Variants in PLAC1 observed in about 807,000 individuals in gnomAD.
The protein encoded by PLAC1 is placenta-specific protein 1.
For missense variants in PLAC1, 136 were observed against 163.2 expected, an observed-to-expected ratio of 0.83 and a Z score of 0.91; for synonymous variants, 68 against 62.1, an observed-to-expected ratio of 1.09 and a Z score of -0.44.
rs1319714829 is a variant in PLAC1 at position 134,566,735 on chromosome X, G to A, written c.-53C>T. On this transcript the variant is annotated 5_prime_UTR_variant, in exon 3 of 3. Coordinates refer to ENST00000359237, the MANE Select transcript of PLAC1 (RefSeq NM_021796.4). ...CAGGAAACAGGAAGCCGTCCAGTGA[G>A]GATTTCTAGAGCACAAAAAAACACA... 3.6e-5 allele frequency: 35 copies of A among 983,920 alleles called. No homozygotes were observed. The highest frequency in any genetic ancestry group is 4.4e-5 in the Non-Finnish European group (32 of 725,210). The allele number at this position is 983,920 out of a possible 1,213,427, so 81.1% of individuals were successfully genotyped here.
At chrX:134,733,324 A>AG (rs1317867782) in intron 2 of PLAC1, 1 of 110,003 alleles carries the variant, frequency 9.1e-6, no homozygotes, top group Non-Finnish European at 1.9e-5. Context: ...AAAGTAACCC[A>AG]GGGTTGGCCT....
upstream of PLAC1, among the ~76,000 whole-genome samples, chrX:134,660,954 A>G (rs2078414360): frequency 9.5e-6 from 1 of 105,813 alleles, no homozygotes; most frequent in Admixed American, 1.0e-4. Context: ...TAAAAAAATT[A>G]TCATCCCCTT....
chrX:134,598,898 A>G (rs1031035843), intron 2 of PLAC1, among the ~76,000 whole-genome samples: 2 of 111,783 alleles, frequency 1.8e-5, no homozygotes, highest in Non-Finnish European at 3.8e-5. Flanking sequence ...ACAAGTACAC[A>G]GTAAGTATTT....
At chrX:134,681,992 T>C (rs1028253017) in intron 2 of PLAC1, among the ~76,000 whole-genome samples, 4 of 112,000 alleles carry the variant, frequency 3.6e-5, no homozygotes, top group Non-Finnish European at 3.8e-5. Flanking sequence ...TATGTAATTT[T>C]GCTCCATTGT....
At chrX:134,673,841 C>T (rs1038023532) in intron 2 of PLAC1, among the ~76,000 whole-genome samples, 1 of 112,693 alleles carries the variant, frequency 8.9e-6, no homozygotes, top group African/African-American at 3.2e-5. Flanking sequence ...GTACTGCCAG[C>T]CATTTTTCAA....
At chrX:134,678,762 G>T (rs1461965142) in intron 2 of PLAC1, among the ~76,000 whole-genome samples, 1 of 112,015 alleles carries the variant, frequency 8.9e-6, no homozygotes, top group African/African-American at 3.2e-5. Context: ...TGTCCTAACC[G>T]CAGGAACCTG....
At chrX:134,590,149 C>G (rs1315825002) in intron 2 of PLAC1, among the ~76,000 whole-genome samples, 2 of 110,404 alleles carry the variant, frequency 1.8e-5, no homozygotes, top group African/African-American at 3.3e-5. Context: ...GAGCCAAGAT[C>G]ACGCCACTGC....
chrX:134,612,100 C>T (rs1437967089), intron 1 of PLAC1, among the ~76,000 whole-genome samples: 1 of 112,279 alleles, frequency 8.9e-6, no homozygotes, highest in East Asian at 2.8e-4. Flanking sequence ...CTTCTTGTAC[C>T]ACACCTGATT....
chrX:134,681,959 T>C (rs1264041954), intron 2 of PLAC1, among the ~76,000 whole-genome samples: 1 of 112,013 alleles, frequency 8.9e-6, no homozygotes, highest in Non-Finnish European at 1.9e-5. Flanking sequence ...TGTCCTCATA[T>C]TGAGTCACAT....
At chrX:134,632,349 T>C (rs191972482) in intron 1 of PLAC1, among the ~76,000 whole-genome samples, 1 of 112,344 alleles carries the variant, frequency 8.9e-6, no homozygotes, top group Non-Finnish European at 1.9e-5. Flanking sequence ...CACTGCCTCA[T>C]GGGGAACCTA....
At chrX:134,670,570 T>G (rs1171518468) in intron 2 of PLAC1, among the ~76,000 whole-genome samples, 2 of 111,187 alleles carry the variant, frequency 1.8e-5, no homozygotes, top group Non-Finnish European at 3.8e-5. Context: ...CCTGCCTAGC[T>G]GGCTGAGTTC....
At chrX:134,709,139 C>T (rs1463873657) in intron 2 of PLAC1, among the ~76,000 whole-genome samples, 1 of 112,211 alleles carries the variant, frequency 8.9e-6, no homozygotes, top group Non-Finnish European at 1.9e-5. Flanking sequence ...TTAAATTGGT[C>T]TGTAAATTCT....
intron 2 of PLAC1, among the ~76,000 whole-genome samples, chrX:134,665,461 T>C (rs2078433487): frequency 8.9e-6 from 1 of 112,145 alleles, no homozygotes; most frequent in Non-Finnish European, 1.9e-5. Flanking sequence ...GCATTGAGAC[T>C]ATTTCTAGGT....
At chrX:134,702,434 A>T (rs1409283080) in intron 2 of PLAC1, among the ~76,000 whole-genome samples, 1 of 112,205 alleles carries the variant, frequency 8.9e-6, no homozygotes, top group Non-Finnish European at 1.9e-5. Flanking sequence ...TAAAGAAATC[A>T]AGTCCTTTGC....
chrX:134,750,671 T>C (rs2078738836), intron 1 of PLAC1, among the ~76,000 whole-genome samples: 1 of 102,081 alleles, frequency 9.8e-6, no homozygotes, highest in African/African-American at 3.7e-5. Flanking sequence ...TGTAAATGAA[T>C]TATGACCGGA....
chrX:134,671,251 A>G (rs1223862126), intron 2 of PLAC1, among the ~76,000 whole-genome samples: 9 of 112,057 alleles, frequency 8.0e-5, no homozygotes, highest in Admixed American at 1.9e-4. Flanking sequence ...GTAAAATGTT[A>G]TAATTTGGTC....
rs147726818 is a variant in PLAC1 at position 134,736,676 on chromosome X, C to T, written n.90-3157G>A. On this transcript the variant is annotated intron_variant and non_coding_transcript_variant, in intron 1 of 2. Coordinates refer to the PLAC1 transcript ENST00000466797. The stretch of plus-strand genomic sequence containing the variant: ...TTGGAAATCGAAGCTTTGCTATGCT[C>T]ATTACTGAGAAGGCTCTGGCGCCCT... Among the ~76,000 whole-genome samples, 563 of 112,215 alleles carry T rather than the reference C, an allele frequency of 5.0e-3. 4 individuals are homozygous for T. The highest frequency in any genetic ancestry group is 0.017 in the African/African-American group (533 of 30,847).
chrX:134,625,202 C>T (rs1161779611), intron 1 of PLAC1, among the ~76,000 whole-genome samples: 1 of 111,938 alleles, frequency 8.9e-6, no homozygotes, highest in Non-Finnish European at 1.9e-5. Flanking sequence ...TGCAGCTGGG[C>T]TCCAGGAACA....
intron 2 of PLAC1, among the ~76,000 whole-genome samples, chrX:134,698,041 T>A (rs1602919112): frequency 8.9e-6 from 1 of 112,248 alleles, no homozygotes; most frequent in African/African-American, 3.2e-5. Flanking sequence ...TCAATAAATA[T>A]TGATTGGTAT....
Sources: gnomAD v4.1 joint callset for allele counts (sites outside exome capture counted in the v4.1 genomes callset) on GRCh38, gnomAD v4.1.1 for gene constraint, MANE v1.5 for transcripts, NCBI Gene and HGNC (gene_info 2026-07-23, HGNC 2026-07-21) for gene names.